The following PLEKHA2 variants were observed in gnomAD, a reference collection of about 807,000 sequenced individuals.
PLEKHA2 encodes pleckstrin homology domain-containing family A member 2.
A neutral mutation model predicts 53.2 loss-of-function variants in PLEKHA2; 28 were observed. That is an observed-to-expected ratio of 0.53 (90% CI 0.39 to 0.72). The LOEUF is 0.72. Ranked by LOEUF, PLEKHA2 falls within the 30% of genes least tolerant of loss-of-function variation. The pLI, the probability that PLEKHA2 is intolerant of heterozygous loss-of-function variation, is 0.00. For missense variants in PLEKHA2, 426 were observed against 537.9 expected (o/e 0.79, Z 2.06); for synonymous variants, 193 against 196.4 (o/e 0.98, Z 0.14).
At chr8:38,920,968 T>A (rs1834180736) in intron 2 of PLEKHA2, among the ~76,000 whole-genome samples, 1 of 151,982 alleles carries the variant, frequency 6.6e-6, no homozygotes, top group Admixed American at 6.6e-5. Context: ...GCCCAGCTAA[T>A]TTTTGTATTT....
intron 10 of PLEKHA2, among the ~76,000 whole-genome samples, chr8:38,961,747 G>T (rs1835045449): frequency 6.6e-6 from 1 of 152,128 alleles, no homozygotes. Context: ...AAAGAGCAGG[G>T]CAGATCATGG....
chr8:38,930,263 G>A (rs548685189), intron 2 of PLEKHA2, among the ~76,000 whole-genome samples: 10 of 152,036 alleles, frequency 6.6e-5, no homozygotes, highest in Non-Finnish European at 1.3e-4. Context: ...GTGCAGTGGC[G>A]CAATCTCGGC....
intron 5 of PLEKHA2, among the ~76,000 whole-genome samples, chr8:38,947,498 C>T (rs1198282282): frequency 6.6e-6 from 1 of 152,134 alleles, no homozygotes; most frequent in East Asian, 1.9e-4. Flanking sequence ...TGGCTTACAC[C>T]TGTATTCCCA....
chr8:38,939,391 G>A (rs1237329808), intron 3 of PLEKHA2, among the ~76,000 whole-genome samples: 1 of 152,242 alleles, frequency 6.6e-6, no homozygotes, highest in African/African-American at 2.4e-5. Flanking sequence ...AACCGATCCT[G>A]TTAATTCAGC....
At chr8:38,909,963 T>C (rs937818032) in intron 1 of PLEKHA2, among the ~76,000 whole-genome samples, 1 of 151,518 alleles carries the variant, frequency 6.6e-6, no homozygotes, top group Non-Finnish European at 1.5e-5. Flanking sequence ...AAAATACTTT[T>C]TTTTTTTTTT....
intron 2 of PLEKHA2, among the ~76,000 whole-genome samples, chr8:38,924,303 A>G (rs1467917974): frequency 6.6e-6 from 1 of 152,182 alleles, no homozygotes; most frequent in African/African-American, 2.4e-5. Flanking sequence ...TAGGGTCGTC[A>G]GGGTCCCCAG....
intron 3 of PLEKHA2, 139 bp downstream of exon 3, chr8:38,936,189 A>G (rs1834491874): frequency 3.3e-6 from 3 of 900,456 alleles, no homozygotes; most frequent in Admixed American, 1.9e-5. Flanking sequence ...AACCCACACA[A>G]TGCCTGTGGA....
chr8:38,955,348 G>A (rs1242492296), intron 9 of PLEKHA2, among the ~76,000 whole-genome samples: 1 of 152,164 alleles, frequency 6.6e-6, no homozygotes, highest in South Asian at 2.1e-4. Context: ...AGACATTTTA[G>A]CCAGAAAGAG....
At chr8:38,962,304 C>A (rs1835054837) in intron 10 of PLEKHA2, among the ~76,000 whole-genome samples, 1 of 151,992 alleles carries the variant, frequency 6.6e-6, no homozygotes, top group African/African-American at 2.4e-5. Context: ...GCCTCAGCAA[C>A]CCAGTGAGAC....
chr8:38,961,439 A>G (rs1835040415), intron 10 of PLEKHA2, among the ~76,000 whole-genome samples: 1 of 152,110 alleles, frequency 6.6e-6, no homozygotes, highest in Admixed American at 6.5e-5. Context: ...TGGTAGGCTG[A>G]GGCAGGAGAA....
chr8:38,917,618 AT>A (rs1834083381), intron 1 of PLEKHA2, among the ~76,000 whole-genome samples: 1 of 152,222 alleles, frequency 6.6e-6, no homozygotes, highest in Non-Finnish European at 1.5e-5. Flanking sequence ...TGGAATTTGA[AT>A]GCAGGCCCCT....
Position 38,969,126 on chromosome 8 carries a change from C to T in PLEKHA2, c.916-295C>T, listed in dbSNP as rs1445738476. On this transcript the variant is annotated intron_variant, in intron 11 of 11. Transcript: ENST00000617275. ...ATGTTGGCTAGGCTGATCTCAAACTCCTGACCTCAGGTGATCCACTTGCCT... is the reference window on the plus strand; with the variant it reads ...ATGTTGGCTAGGCTGATCTCAAACTTCTGACCTCAGGTGATCCACTTGCCT... 12 of 393,980 alleles carry T rather than the reference C, an allele frequency of 3.0e-5. 1 individual carries two copies. Among genetic ancestry groups the T allele is most frequent in the Middle Eastern group, 7.3e-4 (1 of 1,370 alleles). 24.4% of individuals were successfully genotyped at this position (393,980 alleles called of 1,614,324 possible).
intron 11 of PLEKHA2, 24 bp downstream of exon 11, chr8:38,968,693 A>C: frequency 6.2e-7 from 1 of 1,611,828 alleles, no homozygotes; most frequent in Non-Finnish European, 8.5e-7. Flanking sequence ...TTTCTGTTGC[A>C]CAGTGTCAAC....
At chr8:38,918,772 CACAT>C (rs1834127314) in intron 2 of PLEKHA2, among the ~76,000 whole-genome samples, 2 of 152,048 alleles carry the variant, frequency 1.3e-5, no homozygotes, top group Admixed American at 1.3e-4. Context: ...CATGCACACA[CACAT>C]ATACACACAG....
Position 38,934,515 on chromosome 8 carries a change from C to G in PLEKHA2, c.142-1479C>G, listed in dbSNP as rs149220837. 3.5e-3 allele frequency among the ~76,000 whole-genome samples: 539 copies of G among 152,014 alleles called. 2 individuals are homozygous for G. Among genetic ancestry groups the G allele is most frequent in the Middle Eastern group, 0.027 (8 of 294 alleles). ...TTTTGGCAACAATTTAAGAGGTCAGCAGGAGCTATGGACAGAGTCTCAGAT... is the reference window on the plus strand; with the variant it reads ...TTTTGGCAACAATTTAAGAGGTCAGGAGGAGCTATGGACAGAGTCTCAGAT... On this transcript the variant is annotated intron_variant, in intron 2 of 11. Coordinates refer to ENST00000617275, the MANE Select transcript of PLEKHA2 (RefSeq NM_021623.2).
chr8:38,947,339 A>G (rs1053051531), intron 5 of PLEKHA2, among the ~76,000 whole-genome samples: 2 of 152,112 alleles, frequency 1.3e-5, no homozygotes, highest in African/African-American at 4.8e-5. Context: ...AGTCCCAGCT[A>G]CTCAGGAGGC....
chr8:38,914,198 C>T (rs572916647), intron 1 of PLEKHA2, among the ~76,000 whole-genome samples: 18 of 152,330 alleles, frequency 1.2e-4, no homozygotes, highest in African/African-American at 3.6e-4. Flanking sequence ...TGGGATTCCC[C>T]GACGCATCTC....
intron 10 of PLEKHA2, among the ~76,000 whole-genome samples, chr8:38,958,918 G>T (rs567059854): frequency 6.6e-6 from 1 of 152,272 alleles, no homozygotes; most frequent in East Asian, 1.9e-4. Flanking sequence ...AGTGCTGGGG[G>T]AGATGGAGCA....
chr8:38,905,427 C>T (rs1374312472), intron 1 of PLEKHA2, among the ~76,000 whole-genome samples: 2 of 151,000 alleles, frequency 1.3e-5, no homozygotes, highest in Non-Finnish European at 2.9e-5. Context: ...CACTGCACTC[C>T]AGCCTGGGCA....
Sources: gnomAD v4.1 joint callset for allele counts (sites outside exome capture counted in the v4.1 genomes callset) on GRCh38, gnomAD v4.1.1 for gene constraint, MANE v1.5 for transcripts, NCBI Gene and HGNC (gene_info 2026-07-23, HGNC 2026-07-21) for gene names.